The following RRP36 variants were observed in gnomAD, a reference collection of about 807,000 sequenced individuals.
The protein encoded by RRP36 is ribosomal RNA processing 36.
RRP36 carries 44 observed loss-of-function variants against 39.8 expected under a neutral mutation model. The ratio of observed to expected loss-of-function variants is 1.10; its 90% CI spans 0.87 to 1.42. RRP36 has a LOEUF of 1.42. Ranked by LOEUF, RRP36 falls within the 40% of genes most tolerant of loss-of-function variation. RRP36 has a pLI of 0.00. For missense variants in RRP36, 316 were observed against 322.4 expected, an observed-to-expected ratio of 0.98 and a Z score of 0.15; for synonymous variants, 124 against 123.1, an observed-to-expected ratio of 1.01 and a Z score of -0.05.
intron 5 of RRP36, 23 bp downstream of exon 5, chr6:43,027,275 G>A (rs756617172): frequency 6.2e-7 from 1 of 1,612,896 alleles, no homozygotes; most frequent in East Asian, 2.2e-5. Flanking sequence ...TAATTGTGGT[G>A]GGTAATGAAA....
At position 43,024,836 on chromosome 6, in the gene RRP36, C is replaced by G. The variant is rs538674119; in HGVS notation, c.131-149C>G. On this transcript the variant is annotated intron_variant, in intron 1 of 6. Transcript: ENST00000244496. ...GCTGAAATAGTTGGAGAGTTTAACACTATCACAGCCTCTGCTGCCTAGGAC... is the reference window on the plus strand; with the variant it reads ...GCTGAAATAGTTGGAGAGTTTAACAGTATCACAGCCTCTGCTGCCTAGGAC... 5.2e-6 allele frequency: 5 copies of G among 955,372 alleles called. No homozygotes were observed. In the African/African-American group the frequency reaches 8.4e-5, roughly 16 times the overall value. 59.2% of individuals were successfully genotyped at this position (955,372 alleles called of 1,614,324 possible).
At chr6:43,025,377 C>T in intron 3 of RRP36, 48 bp downstream of exon 3, 1 of 1,561,264 alleles carries the variant, frequency 6.4e-7, no homozygotes, top group Non-Finnish European at 8.8e-7. Flanking sequence ...AATCCCAGCA[C>T]TTTGGGAGCC....
At chr6:43,025,939 CAAAA>C (rs767346921) in intron 3 of RRP36, 94 bp from the exon 4 acceptor site, 128 of 871,776 alleles carry the variant, frequency 1.5e-4, no homozygotes, top group Non-Finnish European at 2.1e-4. Context: ...TCTCAAAAAG[CAAAA>C]AAAAAGAAAG....
At chr6:43,027,281 T>C in intron 5 of RRP36, 29 bp downstream of exon 5, 1 of 1,612,690 alleles carries the variant, frequency 6.2e-7, no homozygotes, top group Non-Finnish European at 8.5e-7. Flanking sequence ...TGGTGGGTAA[T>C]GAAAGCAATT....
chr6:43,027,792 CACACACAA>C (rs1461883674), intron 6 of RRP36, among the ~76,000 whole-genome samples: 1 of 135,458 alleles, frequency 7.4e-6, no homozygotes, highest in Non-Finnish European at 1.5e-5. Context: ...CACACACACA[CACACACAA>C]ACACAGAGTC....
intron 6 of RRP36, among the ~76,000 whole-genome samples, chr6:43,028,103 G>C (rs919817415): frequency 6.6e-6 from 1 of 151,646 alleles, no homozygotes; most frequent in Non-Finnish European, 1.5e-5. Flanking sequence ...CAGTGTGGGG[G>C]GGTCACGAGG....
chr6:43,029,047 G>C (rs916866982), intron 6 of RRP36, 45 bp from the exon 7 acceptor site: 2 of 1,610,624 alleles, frequency 1.2e-6, no homozygotes, highest in Non-Finnish European at 1.7e-6. Context: ...AAAGAATAGG[G>C]GCTTCCTTCT....
At chr6:43,028,503 C>A (rs939480401) in intron 6 of RRP36, among the ~76,000 whole-genome samples, 4 of 150,614 alleles carry the variant, frequency 2.7e-5, no homozygotes, top group African/African-American at 9.8e-5. Context: ...CAAAAATTAG[C>A]TGGGTGTGGT....
chr6:43,023,732 A>G (rs1762766809), intron 1 of RRP36, among the ~76,000 whole-genome samples: 1 of 152,216 alleles, frequency 6.6e-6, no homozygotes, highest in African/African-American at 2.4e-5. Flanking sequence ...AAATTATTAC[A>G]TTAAAAGGCA....
chr6:43,029,071 T>C (rs930824008), intron 6 of RRP36, 21 bp from the exon 7 acceptor site: 1 of 1,613,054 alleles, frequency 6.2e-7, no homozygotes, highest in African/African-American at 1.3e-5. Context: ...TTCACCAACT[T>C]TCATTCTCCC....
rs1762869922 is a variant in RRP36 at position 43,029,191 on chromosome 6, G to C, written c.743G>C (p.Gly248Ala). The change falls in exon 7 of 7, where the codon GGC becomes GCC. Residue 248 changes from glycine (G) to alanine (A), a missense_variant. Physicochemically the swap from Gly to Ala is moderately conservative, Grantham distance 60. Transcript: ENST00000244496. ...AGTCGAAAGAGGCGACGAAATGCAG[G>C]CAAGGACAGGAGACATCTCCCTTTG... ...FLSRKRRRNAGKDRRHLPLSK... is the reference protein window; with the variant it reads ...FLSRKRRRNAAKDRRHLPLSK... 1 of 1,614,108 alleles carries C rather than the reference G, an allele frequency of 6.2e-7. No homozygotes were observed. Among genetic ancestry groups the C allele is most frequent in the Non-Finnish European group, 8.5e-7 (1 of 1,180,038 alleles).
chr6:43,026,829 T>TA (rs2150296802), intron 4 of RRP36, among the ~76,000 whole-genome samples: 1 of 151,986 alleles, frequency 6.6e-6, no homozygotes, highest in African/African-American at 2.4e-5. Context: ...ATGGTGAAAT[T>TA]AGTCTCTACT....
At chr6:43,024,044 CG>C (rs996298159) in intron 1 of RRP36, among the ~76,000 whole-genome samples, 14 of 151,854 alleles carry the variant, frequency 9.2e-5, no homozygotes, top group Non-Finnish European at 2.1e-4. Flanking sequence ...TTTGTAGAGA[CG>C]GTTTCACCAT....
chr6:43,026,389 C>T (rs1196016877), intron 4 of RRP36, among the ~76,000 whole-genome samples: 4 of 152,132 alleles, frequency 2.6e-5, no homozygotes, highest in South Asian at 2.1e-4. Context: ...TCTTGGAGGC[C>T]GGGTGTGGTG....
At chr6:43,027,016 A>C in intron 4 of RRP36, 162 bp from the exon 5 acceptor site, 1 of 587,650 alleles carries the variant, frequency 1.7e-6, no homozygotes. Context: ...CAGTGAGCCA[A>C]GATCACACCA....
intron 1 of RRP36, among the ~76,000 whole-genome samples, chr6:43,024,085 C>T (rs1396233660): frequency 2.6e-5 from 4 of 152,062 alleles, no homozygotes; most frequent in Admixed American, 2.0e-4. Context: ...AACTCCTGAC[C>T]TCAGGTGATT....
At chr6:43,025,171 G>C (rs1435191914) in intron 2 of RRP36, 39 bp downstream of exon 2, 1 of 1,613,386 alleles carries the variant, frequency 6.2e-7, no homozygotes, top group Non-Finnish European at 8.5e-7. Context: ...AGATAACTGG[G>C]ACCTTGAATA....
In RRP36 at chr6:43,029,151, T is replaced by C. The variant is rs1208344779; in HGVS notation, c.703T>C (p.Leu235=). The C allele has an allele frequency of 9.3e-6, 15 of 1,614,018 alleles. No homozygotes were observed. In the Admixed American group the frequency reaches 2.3e-4, roughly 25 times the overall value. Residue 235 remains leucine (L), a synonymous_variant, in exon 7 of 7, where the codon TTG becomes CTG. Transcript: ENST00000244496. The stretch of plus-strand genomic sequence containing the variant: ...CAAGGAGCTGAAACGCAGCAAGAAA[T>C]TGGAGAACTTCTTGAGTCGAAAGAG... ...KFKELKRSKK[L]ENFLSRKRRR...
In RRP36 at chr6:43,027,159, C is replaced by G; in HGVS notation, c.451-19C>G. The G allele has an allele frequency of 1.9e-6, 3 of 1,611,518 alleles. No homozygotes were observed. The highest frequency in any genetic ancestry group is 2.5e-6 in the Non-Finnish European group (3 of 1,177,740). On this transcript the variant is annotated intron_variant, in intron 4 of 6. Coordinates refer to ENST00000244496, the MANE Select transcript of RRP36 (RefSeq NM_033112.4). ...CATTTGCAGAATGCTAACCATGATACTCATTTTCCAATGTGGAGCTTGTGA... is the reference window on the plus strand; with the variant it reads ...CATTTGCAGAATGCTAACCATGATAGTCATTTTCCAATGTGGAGCTTGTGA...
Sources: allele counts gnomAD v4.1 joint callset (sites outside exome capture counted in the v4.1 genomes callset), GRCh38; gene constraint gnomAD v4.1.1; transcripts MANE v1.5; gene names NCBI Gene and HGNC (gene_info 2026-07-23, HGNC 2026-07-21).